Variants in MARCHF11 observed in about 807,000 individuals in gnomAD.
MARCHF11 encodes the protein membrane associated ring-CH-type finger 11.
Under a neutral mutation model 37.3 loss-of-function variants are expected in MARCHF11, and 29 were observed. The ratio of observed to expected loss-of-function variants is 0.78; its 90% CI spans 0.58 to 1.06. MARCHF11 has a LOEUF of 1.06. MARCHF11 is among the 50% of genes least tolerant of loss of function. MARCHF11 has a pLI of 0.00. For synonymous variants in MARCHF11, 233 were observed against 228.0 expected (o/e 1.02, Z -0.20); for missense variants, 482 against 533.4 (o/e 0.90, Z 0.95).
intron 2 of MARCHF11, among the ~76,000 whole-genome samples, chr5:16,176,278 C>A (rs1348815739): frequency 6.6e-6 from 1 of 152,126 alleles, no homozygotes; most frequent in African/African-American, 2.4e-5. Flanking sequence ...TCTCATGGAA[C>A]TTTTCTCTAG....
At chr5:16,078,728 G>C (rs371656938) in intron 3 of MARCHF11, among the ~76,000 whole-genome samples, 37 of 152,132 alleles carry the variant, frequency 2.4e-4, no homozygotes, top group African/African-American at 8.9e-4. Flanking sequence ...GTGAGGGATG[G>C]GGACAGGTGG....
At chr5:16,139,610 T>A (rs574984223) in intron 2 of MARCHF11, among the ~76,000 whole-genome samples, 1 of 152,234 alleles carries the variant, frequency 6.6e-6, no homozygotes, top group Admixed American at 6.5e-5. Flanking sequence ...TCAGACACAT[T>A]AAATTCAAAG....
At chr5:16,166,903 G>A (rs1475884130) in intron 2 of MARCHF11, among the ~76,000 whole-genome samples, 1 of 150,354 alleles carries the variant, frequency 6.7e-6, no homozygotes. Flanking sequence ...GTGTGTGTGT[G>A]TGTGTGTGTG....
rs1491435333 is a variant in MARCHF11, at chr5:16,151,649, A to ATATGTG, written c.693+26076_693+26077insCACATA. 8.3e-4 allele frequency among the ~76,000 whole-genome samples: 109 copies of ATATGTG among 131,498 alleles called. 1 individual carries two copies. The highest frequency in any genetic ancestry group is 1.9e-3 in the Admixed American group (25 of 12,828). 86.3% of individuals were successfully genotyped at this position (131,498 alleles called of 152,430 possible). On this transcript the variant is annotated intron_variant, in intron 2 of 3. Transcript: ENST00000332432. ...GTGTGTGTGTGCATGCGTGAGTTGAATGTGTGTGTGTGTGTGTGTGTGTGT... is the reference window on the plus strand; with the variant it reads ...GTGTGTGTGTGCATGCGTGAGTTGAATATGTGTGTGTGTGTGTGTGTGTGTGTGTGT...
At chr5:16,170,734 T>C (rs940431452) in intron 2 of MARCHF11, among the ~76,000 whole-genome samples, 1 of 152,170 alleles carries the variant, frequency 6.6e-6, no homozygotes, top group Admixed American at 6.5e-5. Context: ...TGTTATATAA[T>C]GTGCTCTAAA....
chr5:16,138,365 C>T lies in MARCHF11; in HGVS notation c.693+39361G>A, dbSNP rs554706038. Among the ~76,000 whole-genome samples the T allele has an allele frequency of 8.5e-5, 13 of 152,308 alleles. No homozygotes were observed. The South Asian group carries it at 1.9e-3, about 22-fold the overall frequency. ...TCGGCAGCTTACACGTGGTGTTGGGCCCGCAAGTGCTCAGAAGTAAAGAAA... is the reference window on the plus strand; with the variant it reads ...TCGGCAGCTTACACGTGGTGTTGGGTCCGCAAGTGCTCAGAAGTAAAGAAA... On this transcript the variant is annotated intron_variant, in intron 2 of 3. Coordinates refer to ENST00000332432, the MANE Select transcript of MARCHF11 (RefSeq NM_001102562.3).
intron 3 of MARCHF11, among the ~76,000 whole-genome samples, chr5:16,070,966 A>C (rs1265803864): frequency 6.6e-6 from 1 of 151,990 alleles, no homozygotes; most frequent in African/African-American, 2.4e-5. Context: ...TTTTCTTTAA[A>C]TGCTGTGGCG....
At chr5:16,117,501 T>C (rs1003020723) in intron 2 of MARCHF11, among the ~76,000 whole-genome samples, 37 of 152,194 alleles carry the variant, frequency 2.4e-4, no homozygotes, top group African/African-American at 8.9e-4. Context: ...CACATGTAGG[T>C]AATGATTTGC....
At chr5:16,156,421 C>T (rs969125620) in intron 2 of MARCHF11, among the ~76,000 whole-genome samples, 11 of 151,892 alleles carry the variant, frequency 7.2e-5, no homozygotes, top group Admixed American at 5.3e-4. Context: ...CAAACTATAA[C>T]TGCCTTTAAT....
In MARCHF11 at chr5:16,179,365, C is replaced by G; in HGVS notation, c.211G>C (p.Glu71Gln). 1 of 1,171,704 alleles carries G rather than the reference C, an allele frequency of 8.5e-7. No individual in the cohort carries two copies. The highest frequency in any genetic ancestry group is 1.1e-6 in the Non-Finnish European group (1 of 949,870). 72.6% of individuals were successfully genotyped at this position (1,171,704 alleles called of 1,614,324 possible). A position where few individuals can be genotyped will look rare whatever the true frequency, so the allele number is the denominator to read the frequency against. The change falls in exon 1 of 4, where the codon GAG (glutamate) becomes CAG (glutamine). Residue 71 changes from glutamate to glutamine, a missense_variant. By Grantham distance (29) the Glu-to-Gln change is conservative. Transcript: ENST00000332432. The stretch of plus-strand genomic sequence containing the variant: ...GCTCCCCTGCACCGCGGGGCCACCT[C>G]CCCTAGCGGCTCGCTTGGCCCCGCG... ...RAAGPSEPLGEVAPRCRGADE... is the reference protein window; with the variant it reads ...RAAGPSEPLGQVAPRCRGADE...
intron 2 of MARCHF11, among the ~76,000 whole-genome samples, chr5:16,145,343 C>T (rs553882995): frequency 6.6e-6 from 1 of 152,244 alleles, no homozygotes; most frequent in Non-Finnish European, 1.5e-5. Flanking sequence ...AATGGGCATT[C>T]AGGAGGGGAG....
chr5:16,140,513 A>T (rs1737685096), intron 2 of MARCHF11, among the ~76,000 whole-genome samples: 2 of 152,166 alleles, frequency 1.3e-5, no homozygotes, highest in South Asian at 4.1e-4. Flanking sequence ...AACTTCACAC[A>T]AGTGAATTCT....
intron 2 of MARCHF11, among the ~76,000 whole-genome samples, chr5:16,150,483 T>C (rs1183463812): frequency 6.7e-6 from 1 of 149,708 alleles, no homozygotes; most frequent in African/African-American, 2.6e-5. Flanking sequence ...GCATTGTCTC[T>C]GTGAGTGGGA....
chr5:16,163,573 A>G (rs1183578393), intron 2 of MARCHF11, among the ~76,000 whole-genome samples: 1 of 152,102 alleles, frequency 6.6e-6, no homozygotes, highest in African/African-American at 2.4e-5. Context: ...TGTAAGAGGC[A>G]CACTTTATAT....
At chr5:16,097,499 TAAATG>T (rs1047075608) in intron 2 of MARCHF11, among the ~76,000 whole-genome samples, 33 of 152,276 alleles carry the variant, frequency 2.2e-4, no homozygotes, top group African/African-American at 7.5e-4. Context: ...AACAGTTAGT[TAAATG>T]AAAGAGGAAT....
chr5:16,098,730 AAC>A (rs2126561883), intron 2 of MARCHF11, among the ~76,000 whole-genome samples: 1 of 151,070 alleles, frequency 6.6e-6, no homozygotes, highest in South Asian at 2.1e-4. Flanking sequence ...ATCATGCCAC[AAC>A]ACTCCAGCCT....
chr5:16,143,384 C>T (rs1026111912), intron 2 of MARCHF11, among the ~76,000 whole-genome samples: 2 of 152,336 alleles, frequency 1.3e-5, no homozygotes, highest in African/African-American at 2.4e-5. Flanking sequence ...AGATCTGGCC[C>T]GTTGGGCCAA....
intron 2 of MARCHF11, among the ~76,000 whole-genome samples, chr5:16,172,442 T>C (rs540312426): frequency 1.6e-4 from 24 of 152,244 alleles, no homozygotes; most frequent in African/African-American, 4.8e-4. Context: ...AAAACACGTC[T>C]CCCCTCAGCT....
In MARCHF11 at chr5:16,179,625, T is replaced by G; in HGVS notation, c.-50A>C. The G allele has an allele frequency of 1.0e-6, 1 of 978,028 alleles. No individual in the cohort carries two copies. The highest frequency in any genetic ancestry group is 6.8e-5 in the Admixed American group (1 of 14,744). 60.6% of individuals were successfully genotyped at this position (978,028 alleles called of 1,614,324 possible). On this transcript the variant is annotated 5_prime_UTR_variant, in exon 1 of 4. Coordinates refer to ENST00000332432, the MANE Select transcript of MARCHF11 (RefSeq NM_001102562.3). ...CCGGCCCGGCTGGCGGGCCGGGCTC[T>G]GGCTGCAGGGAAAGAGAGCGCGGAG...
Sources: allele counts gnomAD v4.1 joint callset (sites outside exome capture counted in the v4.1 genomes callset), GRCh38; gene constraint gnomAD v4.1.1; transcripts MANE v1.5; gene names NCBI Gene and HGNC (gene_info 2026-07-23, HGNC 2026-07-21).